The following LRP1B variants were observed in gnomAD, a reference collection of about 807,000 sequenced individuals.
The protein encoded by LRP1B is LDL receptor related protein 1B, also known as low-density lipoprotein receptor-related protein 1B.
Under a neutral mutation model 556.6 loss-of-function variants are expected in LRP1B, and 217 were observed. The ratio of observed to expected loss-of-function variants is 0.39; its 90% CI spans 0.35 to 0.44. LRP1B has a LOEUF of 0.44. LRP1B is among the 20% of genes least tolerant of loss of function. The probability of loss-of-function intolerance (pLI) is 1.00; values close to 1 mark genes in which losing one functional copy is unlikely to be tolerated. For missense variants in LRP1B, 5,053 were observed against 5,620.8 expected, an observed-to-expected ratio of 0.90 and a Z score of 3.23; for synonymous variants, 2,047 against 1,865.8, an observed-to-expected ratio of 1.10 and a Z score of -2.50.
At chr2:140,637,463 C>G (rs557393921) in intron 41 of LRP1B, among the ~76,000 whole-genome samples, 1 of 152,260 alleles carries the variant, frequency 6.6e-6, no homozygotes, top group African/African-American at 2.4e-5. Flanking sequence ...TTAGAACTAT[C>G]TAATGTGTAT....
At chr2:140,559,089 T>C (rs1339360351) in intron 43 of LRP1B, among the ~76,000 whole-genome samples, 4 of 152,150 alleles carry the variant, frequency 2.6e-5, no homozygotes, top group Non-Finnish European at 5.9e-5. Flanking sequence ...AATATCTAAT[T>C]GGTTTATAGA....
intron 3 of LRP1B, among the ~76,000 whole-genome samples, chr2:141,309,531 C>T (rs1209175270): frequency 6.6e-6 from 1 of 152,108 alleles, no homozygotes; most frequent in African/African-American, 2.4e-5. Context: ...GATTAGTGGC[C>T]TTATGAAGAG....
At chr2:141,628,650 G>C (rs1167618210) in intron 2 of LRP1B, among the ~76,000 whole-genome samples, 1 of 151,930 alleles carries the variant, frequency 6.6e-6, no homozygotes. Flanking sequence ...TTATAAACAA[G>C]TTTCTAATTT....
intron 33 of LRP1B, among the ~76,000 whole-genome samples, chr2:140,773,088 C>CAACA (rs201778171): frequency 0.013 from 1,997 of 151,848 alleles, 24 homozygotes; most frequent in African/African-American, 0.024. Flanking sequence ...GAGACTGTCT[C>CAACA]AACAAACAAA....
intron 3 of LRP1B, among the ~76,000 whole-genome samples, chr2:141,354,059 A>G (rs1001127028): frequency 6.6e-6 from 1 of 151,964 alleles, no homozygotes; most frequent in Non-Finnish European, 1.5e-5. Context: ...AGGCCTACTT[A>G]AAAGTGGAGT....
At chr2:141,120,509 T>G (rs1396038459) in intron 7 of LRP1B, among the ~76,000 whole-genome samples, 1 of 152,000 alleles carries the variant, frequency 6.6e-6, no homozygotes, top group Admixed American at 6.6e-5. Flanking sequence ...CTATCTCAGA[T>G]ATATTATGAT....
At chr2:141,244,984 G>C (rs1020503357) in intron 5 of LRP1B, among the ~76,000 whole-genome samples, 4 of 152,064 alleles carry the variant, frequency 2.6e-5, no homozygotes, top group African/African-American at 9.7e-5. Context: ...ACATTATCAT[G>C]TTCCATCTTT....
At chr2:141,733,549 C>T (rs1693358323) in intron 2 of LRP1B, among the ~76,000 whole-genome samples, 1 of 152,124 alleles carries the variant, frequency 6.6e-6, no homozygotes, top group African/African-American at 2.4e-5. Context: ...TGCTTAAATT[C>T]CTTTAATGTC....
intron 66 of LRP1B, among the ~76,000 whole-genome samples, chr2:140,435,343 C>T (rs1686127984): frequency 6.6e-6 from 1 of 152,034 alleles, no homozygotes; most frequent in African/African-American, 2.4e-5. Flanking sequence ...ACTGAATATA[C>T]TTGGCAAAGG....
intron 7 of LRP1B, among the ~76,000 whole-genome samples, chr2:141,139,122 G>T (rs1701566243): frequency 6.6e-6 from 1 of 151,768 alleles, no homozygotes; most frequent in African/African-American, 2.4e-5. Context: ...AACAAATGGT[G>T]CTGGAAAAAT....
intron 41 of LRP1B, among the ~76,000 whole-genome samples, chr2:140,680,661 T>G (rs1574233833): frequency 6.6e-6 from 1 of 152,158 alleles, no homozygotes; most frequent in African/African-American, 2.4e-5. Flanking sequence ...AGTGATGCAC[T>G]TGGATTCAAA....
chr2:141,115,390 C>G (rs1700861879), intron 7 of LRP1B, among the ~76,000 whole-genome samples: 1 of 151,784 alleles, frequency 6.6e-6, no homozygotes, highest in African/African-American at 2.4e-5. Context: ...GTTGCAGGCT[C>G]ATCCCATTCC....
At chr2:141,610,149 C>T (rs1348431031) in intron 2 of LRP1B, among the ~76,000 whole-genome samples, 2 of 151,898 alleles carry the variant, frequency 1.3e-5, no homozygotes, top group African/African-American at 2.4e-5. Context: ...ACCTCTTCTT[C>T]GATACAGTCT....
At chr2:140,403,927 CA>C (rs2105233548) in intron 66 of LRP1B, among the ~76,000 whole-genome samples, 1 of 152,240 alleles carries the variant, frequency 6.6e-6, no homozygotes, top group South Asian at 2.1e-4. Context: ...GACATCTCAG[CA>C]GAATGCTTAC....
At chr2:140,842,436 A>T (rs1272487869) in intron 29 of LRP1B, among the ~76,000 whole-genome samples, 1 of 152,206 alleles carries the variant, frequency 6.6e-6, no homozygotes, top group African/African-American at 2.4e-5. Flanking sequence ...GTTGCCTTAG[A>T]AGATACTACT....
At chr2:140,234,383 A>C (rs1371717103) in intron 90 of LRP1B, among the ~76,000 whole-genome samples, 2 of 151,278 alleles carry the variant, frequency 1.3e-5, no homozygotes, top group African/African-American at 4.8e-5. Flanking sequence ...ATGATGACAC[A>C]TTTTAAAGTA....
chr2:141,616,944 A>C (rs1270374438), intron 2 of LRP1B, among the ~76,000 whole-genome samples: 1 of 152,154 alleles, frequency 6.6e-6, no homozygotes, highest in African/African-American at 2.4e-5. Context: ...CATCATTCAA[A>C]GAGCAGTCCT....
intron 2 of LRP1B, among the ~76,000 whole-genome samples, chr2:141,710,479 G>A (rs1692317034): frequency 6.6e-6 from 1 of 152,036 alleles, no homozygotes; most frequent in Admixed American, 6.6e-5. Context: ...GAATTTCAGT[G>A]GGCTTTTGAG....
intron 3 of LRP1B, among the ~76,000 whole-genome samples, chr2:141,408,472 A>G (rs1044660307): frequency 2.6e-5 from 4 of 152,082 alleles, no homozygotes; most frequent in African/African-American, 9.7e-5. Context: ...AAGATTTCTT[A>G]GATAGGTATA....
Sources: allele counts gnomAD v4.1 joint callset (sites outside exome capture counted in the v4.1 genomes callset), GRCh38; gene constraint gnomAD v4.1.1; transcripts MANE v1.5; gene names NCBI Gene and HGNC (gene_info 2026-07-23, HGNC 2026-07-21).